Variants in PRKN observed in about 807,000 individuals in gnomAD.
PRKN encodes parkin RBR E3 ubiquitin protein ligase.
Under a neutral mutation model 59.5 loss-of-function variants are expected in PRKN, and 56 were observed. That is an observed-to-expected ratio of 0.94 (90% confidence interval 0.76 to 1.18). The LOEUF (loss-of-function observed/expected upper bound fraction) is 1.18, where lower values mean the gene tolerates loss of function less well. Ranked by LOEUF, PRKN falls within the 50% of genes most tolerant of loss-of-function variation. The pLI is 0.00. For synonymous variants in PRKN, 250 were observed against 222.1 expected (o/e 1.13, Z -1.12); for missense variants, 657 against 596.4 (o/e 1.10, Z -1.06).
intron 3 of PRKN, among the ~76,000 whole-genome samples, chr6:162,202,419 G>A (rs1366133315): frequency 6.6e-6 from 1 of 152,094 alleles, no homozygotes; most frequent in Admixed American, 6.5e-5. Context: ...TGCAAAATCT[G>A]AAGCACAACA....
At chr6:161,683,439 C>G (rs928558381) in intron 7 of PRKN, among the ~76,000 whole-genome samples, 2 of 152,210 alleles carry the variant, frequency 1.3e-5, no homozygotes, top group East Asian at 3.9e-4. Flanking sequence ...AAGAGCTAGG[C>G]ATCTCTGGGA....
intron 6 of PRKN, among the ~76,000 whole-genome samples, chr6:161,963,280 T>C (rs1780454771): frequency 6.6e-6 from 1 of 152,208 alleles, no homozygotes; most frequent in Non-Finnish European, 1.5e-5. Flanking sequence ...ATTTGCAATA[T>C]TGCCCTGCTC....
intron 1 of PRKN, among the ~76,000 whole-genome samples, chr6:162,495,156 T>C (rs1043087040): frequency 5.3e-5 from 8 of 152,240 alleles, no homozygotes; most frequent in African/African-American, 1.9e-4. Context: ...TAAATTTTCC[T>C]CTTTCAGCTC....
At chr6:161,995,336 A>G (rs997745275) in intron 5 of PRKN, among the ~76,000 whole-genome samples, 1 of 152,172 alleles carries the variant, frequency 6.6e-6, no homozygotes, top group Non-Finnish European at 1.5e-5. Flanking sequence ...AACAAGGAAA[A>G]CATTCAGGAC....
At chr6:161,819,528 A>C (rs1251509355) in intron 6 of PRKN, among the ~76,000 whole-genome samples, 2 of 152,160 alleles carry the variant, frequency 1.3e-5, no homozygotes, top group African/African-American at 4.8e-5. Flanking sequence ...AATAATGAGC[A>C]TAAAAGTAAC....
intron 6 of PRKN, among the ~76,000 whole-genome samples, chr6:161,874,428 GTAAAATATTATATA>G (rs1429210929): frequency 0.17 from 11,764 of 70,428 alleles, 568 homozygotes; most frequent in Non-Finnish European, 0.21. Flanking sequence ...TATATTATAT[GTAAAATATTATATA>G]TAAAATATAT....
At chr6:162,525,012 A>C (rs1583724600) in intron 1 of PRKN, among the ~76,000 whole-genome samples, 1 of 152,284 alleles carries the variant, frequency 6.6e-6, no homozygotes, top group East Asian at 1.9e-4. Flanking sequence ...AATTCCAGAA[A>C]CAAATATGCT....
chr6:161,812,932 G>A (rs76207308), intron 6 of PRKN, among the ~76,000 whole-genome samples: 3,419 of 152,204 alleles, frequency 0.022, 136 homozygotes, highest in African/African-American at 0.079. Context: ...ACACAAAGGC[G>A]TTTACACAAA....
intron 1 of PRKN, among the ~76,000 whole-genome samples, chr6:162,646,437 T>A (rs2128225640): frequency 6.6e-6 from 1 of 152,122 alleles, no homozygotes; most frequent in Middle Eastern, 3.4e-3. Flanking sequence ...CATGCTTGGC[T>A]AATTTTTTTA....
At chr6:162,522,329 GC>G (rs1482244684) in intron 1 of PRKN, among the ~76,000 whole-genome samples, 1 of 152,134 alleles carries the variant, frequency 6.6e-6, no homozygotes, top group Non-Finnish European at 1.5e-5. Context: ...TTGCCATGGT[GC>G]CCAGGCTGGT....
At chr6:162,564,712 C>A (rs1052940028) in intron 1 of PRKN, among the ~76,000 whole-genome samples, 2 of 152,092 alleles carry the variant, frequency 1.3e-5, no homozygotes, top group Admixed American at 6.5e-5. Flanking sequence ...ATTTAAAGTG[C>A]TGAAGGAAAA....
At chr6:162,004,827 G>A (rs1050055926) in intron 5 of PRKN, among the ~76,000 whole-genome samples, 3 of 152,148 alleles carry the variant, frequency 2.0e-5, no homozygotes, top group Non-Finnish European at 2.9e-5. Flanking sequence ...GCTCACATAT[G>A]ATTACGAATG....
chr6:161,939,459 T>C (rs1229600305), intron 6 of PRKN, among the ~76,000 whole-genome samples: 3 of 133,738 alleles, frequency 2.2e-5, no homozygotes, highest in Non-Finnish European at 4.7e-5. Flanking sequence ...TCGTCGGGCA[T>C]GGTGGCTCAC....
intron 1 of PRKN, among the ~76,000 whole-genome samples, chr6:162,541,775 T>C (rs541432413): frequency 2.0e-5 from 3 of 152,202 alleles, no homozygotes; most frequent in South Asian, 4.1e-4. Context: ...AGGAGAGAGA[T>C]GATAAGAAGG....
intron 9 of PRKN, among the ~76,000 whole-genome samples, chr6:161,489,625 A>T (rs73591607): frequency 6.7e-6 from 1 of 148,156 alleles, no homozygotes; most frequent in African/African-American, 2.6e-5. Flanking sequence ...GTATGTAATA[A>T]TTTTTTTTTG....
chr6:162,311,285 T>C (rs909129797), intron 2 of PRKN, among the ~76,000 whole-genome samples: 2 of 152,146 alleles, frequency 1.3e-5, no homozygotes, highest in Admixed American at 6.5e-5. Flanking sequence ...TCCTGGGAGA[T>C]GGTTTGTACC....
In PRKN at chr6:161,401,008, T is replaced by C. The variant is rs1292944172; in HGVS notation, c.1084-14131A>G. 6.6e-6 allele frequency among the ~76,000 whole-genome samples: 1 copy of C among 152,152 alleles called. No individual in the cohort carries two copies. The highest frequency in any genetic ancestry group is 1.9e-4 in the East Asian group (1 of 5,180). ...GATCAGAGTACACTGCAAACAAACATCTGTTTCTGATGGCTGCAGCACCAT... is the reference window on the plus strand; with the variant it reads ...GATCAGAGTACACTGCAAACAAACACCTGTTTCTGATGGCTGCAGCACCAT... On this transcript the variant is annotated intron_variant, in intron 9 of 11. Coordinates refer to ENST00000366898, the MANE Select transcript of PRKN (RefSeq NM_004562.3). The surrounding 1 kb of genome is among the most constrained non-coding windows in gnomAD (Gnocchi z 4.4).
At chr6:162,239,636 G>T (rs559089618) in intron 3 of PRKN, among the ~76,000 whole-genome samples, 42 of 152,064 alleles carry the variant, frequency 2.8e-4, no homozygotes, top group African/African-American at 9.9e-4. Flanking sequence ...ACAAATGGGT[G>T]AGAAAGTTCA....
chr6:161,768,940 C>G (rs1789544966), intron 7 of PRKN, among the ~76,000 whole-genome samples: 2 of 152,182 alleles, frequency 1.3e-5, no homozygotes, highest in African/African-American at 4.8e-5. Context: ...ACATATACCT[C>G]TTTCTGAAAA....
Sources: allele counts gnomAD v4.1 joint callset (sites outside exome capture counted in the v4.1 genomes callset), GRCh38; gene constraint gnomAD v4.1.1; non-coding constraint Gnocchi (gnomAD v3.1); transcripts MANE v1.5; gene names NCBI Gene and HGNC (gene_info 2026-07-23, HGNC 2026-07-21).